The following SLC24A2 variants were observed in gnomAD, a reference collection of about 807,000 sequenced individuals.
The protein encoded by SLC24A2 is sodium/potassium/calcium exchanger 2.
In SLC24A2, 36 loss-of-function variants were observed where a neutral mutation model predicts 62.0. That is an observed-to-expected ratio of 0.58 (90% CI 0.44 to 0.77). SLC24A2 has a LOEUF of 0.77. Among genes scored for constraint, SLC24A2 ranks in the 30% least tolerant of loss-of-function variants. The pLI, the probability that SLC24A2 is intolerant of heterozygous loss-of-function variation, is 0.00. For missense variants in SLC24A2, 846 were observed against 817.9 expected, an observed-to-expected ratio of 1.03 and a Z score of -0.42; for synonymous variants, 358 against 294.0, an observed-to-expected ratio of 1.22 and a Z score of -2.23.
the SLC24A2 span, among the ~76,000 whole-genome samples, chr9:20,076,801 A>G: frequency 1.3e-5 from 2 of 150,728 alleles, no homozygotes; most frequent in Non-Finnish European, 2.9e-5. Flanking sequence ...TATTGCTGCA[A>G]TGCACATGGG....
intron 7 of SLC24A2, among the ~76,000 whole-genome samples, chr9:19,562,575 A>G (rs1835455611): frequency 6.6e-6 from 1 of 152,202 alleles, no homozygotes; most frequent in African/African-American, 2.4e-5. Flanking sequence ...CAGTTGGTAA[A>G]TATTTTTCAG....
chr9:19,717,974 C>CTTTT (rs373497951), intron 2 of SLC24A2, among the ~76,000 whole-genome samples: 1 of 135,280 alleles, frequency 7.4e-6, no homozygotes, highest in Non-Finnish European at 1.6e-5. Context: ...TGATTTAAAA[C>CTTTT]TTTTTTTTTT....
At chr9:20,261,239 T>C in the SLC24A2 span, among the ~76,000 whole-genome samples, 1 of 152,144 alleles carries the variant, frequency 6.6e-6, no homozygotes, top group Non-Finnish European at 1.5e-5. Context: ...TGGTTTTCCA[T>C]TCCTGAGTTA....
intron 2 of SLC24A2, among the ~76,000 whole-genome samples, chr9:19,680,828 T>C (rs1776352958): frequency 6.7e-6 from 1 of 149,714 alleles, no homozygotes; most frequent in Non-Finnish European, 1.5e-5. Context: ...ATGCTGACTT[T>C]AAACTCAAAA....
chr9:19,954,051 G>T, the SLC24A2 span, among the ~76,000 whole-genome samples: 2 of 151,840 alleles, frequency 1.3e-5, no homozygotes, highest in East Asian at 1.9e-4. Flanking sequence ...GGAACTATGG[G>T]TCTAGGGTAA....
the SLC24A2 span, among the ~76,000 whole-genome samples, chr9:20,080,832 C>T: frequency 3.3e-5 from 5 of 152,036 alleles, no homozygotes. Flanking sequence ...TGAACAGACA[C>T]TTCTCAAAAG....
In SLC24A2 at chr9:19,535,238, G is replaced by C. The variant is rs538383773; in HGVS notation, c.1480-7100C>G. Among the ~76,000 whole-genome samples the C allele has an allele frequency of 1.2e-3, 181 of 152,116 alleles. 1 individual carries two copies. Among genetic ancestry groups the C allele is most frequent in the African/African-American group, 4.0e-3 (168 of 41,494 alleles). ...TTCTTGTAAATTTAAGTTCTTTGAA[G>C]ATTCTGGATATTAGCCGTTTGTCAG... On this transcript the variant is annotated intron_variant, in intron 8 of 10. Coordinates refer to ENST00000341998, the MANE Select transcript of SLC24A2 (RefSeq NM_020344.4).
At chr9:19,598,074 G>A (rs1587012777) in intron 4 of SLC24A2, among the ~76,000 whole-genome samples, 1 of 152,224 alleles carries the variant, frequency 6.6e-6, no homozygotes, top group African/African-American at 2.4e-5. Context: ...AGTGGCAGCT[G>A]CAGTTGAGGG....
intron 2 of SLC24A2, among the ~76,000 whole-genome samples, chr9:19,684,621 T>A (rs1158023134): frequency 6.6e-6 from 1 of 152,098 alleles, no homozygotes; most frequent in Non-Finnish European, 1.5e-5. Context: ...GAGTTTCATC[T>A]AGACTTGTTG....
intron 5 of SLC24A2, among the ~76,000 whole-genome samples, chr9:19,584,259 C>CAA (rs1836292608): frequency 1.0e-5 from 1 of 96,652 alleles, no homozygotes; most frequent in African/African-American, 4.5e-5. Context: ...CACAAACTAA[C>CAA]ACATAGCAAA....
the SLC24A2 span, among the ~76,000 whole-genome samples, chr9:20,097,043 G>A: frequency 6.6e-6 from 1 of 152,160 alleles, no homozygotes; most frequent in East Asian, 1.9e-4. Context: ...TTCATCCACT[G>A]TAAATCAATA....
chr9:20,203,655 G>A, the SLC24A2 span, among the ~76,000 whole-genome samples: 1 of 151,550 alleles, frequency 6.6e-6, no homozygotes, highest in Non-Finnish European at 1.5e-5. Context: ...ACCAGCCTGG[G>A]AAACATAGTG....
chr9:20,148,347 A>T, the SLC24A2 span, among the ~76,000 whole-genome samples: 133,235 of 152,088 alleles, frequency 0.88, 58,789 homozygotes, highest in Non-Finnish European at 0.92. Flanking sequence ...GGATGCAACA[A>T]GAAAGGAAAG....
At chr9:19,810,324 AG>A in the SLC24A2 span, among the ~76,000 whole-genome samples, 1 of 152,244 alleles carries the variant, frequency 6.6e-6, no homozygotes, top group African/African-American at 2.4e-5. Context: ...CAGGTGGAGC[AG>A]GTAAGGTTAA....
the SLC24A2 span, among the ~76,000 whole-genome samples, chr9:19,960,267 C>G: frequency 6.6e-6 from 1 of 152,168 alleles, no homozygotes; most frequent in East Asian, 1.9e-4. Context: ...CTTACTGCCA[C>G]TATGTGTGAC....
At chr9:20,036,655 A>G in the SLC24A2 span, among the ~76,000 whole-genome samples, 1 of 152,312 alleles carries the variant, frequency 6.6e-6, no homozygotes, top group African/African-American at 2.4e-5. Context: ...GTTGTCACAA[A>G]TGACAAAATT....
the SLC24A2 span, among the ~76,000 whole-genome samples, chr9:20,262,518 C>G: frequency 6.6e-6 from 1 of 152,214 alleles, no homozygotes; most frequent in South Asian, 2.1e-4. Context: ...CCACTGGCAC[C>G]TCAGAGCTAA....
chr9:20,066,559 T>C, the SLC24A2 span, among the ~76,000 whole-genome samples: 2 of 152,236 alleles, frequency 1.3e-5, no homozygotes, highest in Non-Finnish European at 2.9e-5. Context: ...AAGGACCTAC[T>C]TTAAGAGAAT....
the SLC24A2 span, among the ~76,000 whole-genome samples, chr9:19,869,995 A>T: frequency 6.6e-6 from 1 of 152,176 alleles, no homozygotes; most frequent in Admixed American, 6.5e-5. Flanking sequence ...CTTCATCCTT[A>T]CTTTAGAAGG....
Sources: allele counts gnomAD v4.1 joint callset (sites outside exome capture counted in the v4.1 genomes callset), GRCh38; gene constraint gnomAD v4.1.1; transcripts MANE v1.5; gene names NCBI Gene and HGNC (gene_info 2026-07-23, HGNC 2026-07-21).